SV2C: variants seen among roughly 807,000 people sequenced by gnomAD.
SV2C encodes solute carrier family 22 member B3.
Under a neutral mutation model 79.7 loss-of-function variants are expected in SV2C, and 49 were observed. The ratio of observed to expected loss-of-function variants is 0.61; its 90% CI spans 0.49 to 0.78. The LOEUF is 0.78. Among genes scored for constraint, SV2C ranks in the 30% least tolerant of loss-of-function variants. The pLI is 0.00. For synonymous variants in SV2C, 334 were observed against 333.2 expected (o/e 1.00, Z -0.03); for missense variants, 833 against 912.9 (o/e 0.91, Z 1.13).
At chr5:75,935,714 C>A in the SV2C span, among the ~76,000 whole-genome samples, 1 of 152,050 alleles carries the variant, frequency 6.6e-6, no homozygotes, top group East Asian at 1.9e-4. Flanking sequence ...TTAAGAAGTA[C>A]GTAACATTCA....
At chr5:76,178,272 T>C (rs1461708065) in intron 2 of SV2C, among the ~76,000 whole-genome samples, 1 of 152,240 alleles carries the variant, frequency 6.6e-6, no homozygotes, top group Admixed American at 6.5e-5. Context: ...AGAGGCAACA[T>C]AGACTTCACC....
At chr5:75,864,986 T>G in the SV2C span, among the ~76,000 whole-genome samples, 2 of 152,120 alleles carry the variant, frequency 1.3e-5, no homozygotes, top group African/African-American at 4.8e-5. Flanking sequence ...GGGAAAAGAT[T>G]CATTGTAAAG....
the SV2C span, among the ~76,000 whole-genome samples, chr5:75,897,703 T>A: frequency 1.3e-5 from 2 of 152,268 alleles, no homozygotes; most frequent in African/African-American, 4.8e-5. Context: ...CCCATGAGCA[T>A]GGAATGTTCT....
Position 76,178,828 on chromosome 5 carries a change from T to A in SV2C, c.581-16091T>A, listed in dbSNP as rs371049379. ...AGGTCTCAAGTATGCCACTTATACTTTCTTGGGACACTCAAGATTTTATGG... is the reference window on the plus strand; with the variant it reads ...AGGTCTCAAGTATGCCACTTATACTATCTTGGGACACTCAAGATTTTATGG... On this transcript the variant is annotated intron_variant, in intron 2 of 12. Coordinates refer to ENST00000502798, the MANE Select transcript of SV2C (RefSeq NM_014979.4). 7.9e-5 allele frequency among the ~76,000 whole-genome samples: 12 copies of A among 152,364 alleles called. 1 individual carries two copies. In the East Asian group the frequency reaches 2.3e-3, roughly 29 times the overall value.
At chr5:76,120,289 T>TA in intron 1 of SV2C, among the ~76,000 whole-genome samples, 1 of 151,976 alleles carries the variant, frequency 6.6e-6, no homozygotes, top group East Asian at 1.9e-4. Flanking sequence ...CATTTCTTTT[T>TA]TTTTTCAGCT....
chr5:75,924,213 T>C, the SV2C span, among the ~76,000 whole-genome samples: 1 of 152,018 alleles, frequency 6.6e-6, no homozygotes, highest in Non-Finnish European at 1.5e-5. Context: ...ACTATGAGGA[T>C]ACAAAGGCAT....
chr5:76,276,472 A>T (rs1235599796), intron 4 of SV2C, among the ~76,000 whole-genome samples: 1 of 152,114 alleles, frequency 6.6e-6, no homozygotes, highest in Non-Finnish European at 1.5e-5. Context: ...AGCAGCTGGG[A>T]CTACAGGCAT....
chr5:75,943,643 T>C, the SV2C span, among the ~76,000 whole-genome samples: 1 of 152,160 alleles, frequency 6.6e-6, no homozygotes, highest in Non-Finnish European at 1.5e-5. Flanking sequence ...AATAAGGAGA[T>C]AGATGGTTGA....
chr5:76,082,645 C>CT (rs1491235372), upstream of SV2C, among the ~76,000 whole-genome samples: 3 of 130,280 alleles, frequency 2.3e-5, no homozygotes, highest in Non-Finnish European at 4.8e-5. Context: ...CCCCCCCCCC[C>CT]TCATATTTGG....
Position 76,209,860 on chromosome 5 carries a change from A to C in SV2C, c.886A>C (p.Met296Leu), listed in dbSNP as rs370314313. Reference protein sequence around the residue: ...WMIGGIYASAMAWAIIPHYGW... With the variant: ...WMIGGIYASALAWAIIPHYGW... ...GATCGGTGGCATCTACGCCTCTGCC[A>C]TGGCCTGGGCCATCATCCCGCACTA... The change falls in exon 4 of 13, where the codon ATG becomes CTG. Residue 296 changes from methionine to leucine, a missense_variant. Coordinates refer to ENST00000502798, the MANE Select transcript of SV2C (RefSeq NM_014979.4). The C allele has an allele frequency of 6.2e-7, 1 of 1,614,032 alleles. No homozygotes were observed. Among genetic ancestry groups the C allele is most frequent in the Non-Finnish European group, 8.5e-7 (1 of 1,179,934 alleles).
At chr5:75,951,814 T>C in the SV2C span, among the ~76,000 whole-genome samples, 1 of 152,042 alleles carries the variant, frequency 6.6e-6, no homozygotes, top group Non-Finnish European at 1.5e-5. Context: ...GAATTTGCCT[T>C]TTCTGCTCAC....
At chr5:76,347,427 A>G (rs1297156361) in intron 12 of SV2C, among the ~76,000 whole-genome samples, 1 of 141,160 alleles carries the variant, frequency 7.1e-6, no homozygotes, top group Non-Finnish European at 1.5e-5. Flanking sequence ...TTTCTTACCT[A>G]TGCCCGGACA....
the SV2C span, among the ~76,000 whole-genome samples, chr5:75,887,753 AAAAC>A: frequency 6.8e-3 from 1,037 of 152,166 alleles, 18 homozygotes; most frequent in African/African-American, 0.023. Context: ...AAGCAAAAAC[AAAAC>A]AAACAAACAA....
At chr5:76,103,075 A>G (rs545464186) in intron 1 of SV2C, among the ~76,000 whole-genome samples, 1 of 152,372 alleles carries the variant, frequency 6.6e-6, no homozygotes, top group South Asian at 2.1e-4. Flanking sequence ...CCATAAGACC[A>G]TACAGGAATG....
intron 1 of SV2C, among the ~76,000 whole-genome samples, chr5:76,120,235 G>A (rs1414974236): frequency 2.0e-5 from 3 of 150,630 alleles, no homozygotes; most frequent in Admixed American, 6.6e-5. Flanking sequence ...TCTCACAAAC[G>A]TGACTATATA....
At chr5:76,223,476 T>A (rs1188654282) in intron 4 of SV2C, among the ~76,000 whole-genome samples, 1 of 69,186 alleles carries the variant, frequency 1.4e-5, no homozygotes, top group African/African-American at 1.4e-4. Flanking sequence ...TATATATATA[T>A]ATATATATAT....
intron 4 of SV2C, among the ~76,000 whole-genome samples, chr5:76,265,948 A>C (rs758820224): frequency 2.0e-5 from 3 of 152,018 alleles, no homozygotes; most frequent in Non-Finnish European, 4.4e-5. Flanking sequence ...CTCAAGACTG[A>C]TTTTTTTAAT....
chr5:75,962,623 G>A, the SV2C span, among the ~76,000 whole-genome samples: 21 of 152,074 alleles, frequency 1.4e-4, no homozygotes, highest in Non-Finnish European at 2.2e-4. Context: ...CATCTACTAG[G>A]TTAGTAACTC....
intron 4 of SV2C, among the ~76,000 whole-genome samples, chr5:76,256,723 T>A (rs909671328): frequency 1.3e-5 from 2 of 152,204 alleles, no homozygotes; most frequent in South Asian, 4.1e-4. Context: ...CCAGCAAGAA[T>A]CCTGCCTGCT....
Sources: allele counts gnomAD v4.1 joint callset (sites outside exome capture counted in the v4.1 genomes callset), GRCh38; gene constraint gnomAD v4.1.1; transcripts MANE v1.5; gene names NCBI Gene and HGNC (gene_info 2026-07-23, HGNC 2026-07-21).